The following SLC25A21 variants were observed in gnomAD, a reference collection of about 807,000 sequenced individuals.
SLC25A21 encodes the protein mitochondrial 2-oxodicarboxylate carrier.
A neutral mutation model predicts 43.8 loss-of-function variants in SLC25A21; 47 were observed. The observed-to-expected ratio is 1.07, with a 90% CI of 0.85 to 1.37. The LOEUF (loss-of-function observed/expected upper bound fraction) is 1.37. Among genes scored for constraint, SLC25A21 ranks in the 40% most tolerant of loss-of-function variants. SLC25A21 has a pLI of 0.00. For missense variants in SLC25A21, 352 were observed against 350.2 expected (o/e 1.00, Z -0.04); for synonymous variants, 131 against 121.3 (o/e 1.08, Z -0.52).
At chr14:37,110,650 G>C (rs72669543) in intron 1 of SLC25A21, among the ~76,000 whole-genome samples, 3,759 of 152,198 alleles carry the variant, frequency 0.025, 128 homozygotes, top group Admixed American at 0.093. Context: ...ACTCCACCTA[G>C]ACAACCTCCC....
At chr14:37,019,031 G>C (rs1216219256) in intron 1 of SLC25A21, among the ~76,000 whole-genome samples, 1 of 151,932 alleles carries the variant, frequency 6.6e-6, no homozygotes, top group African/African-American at 2.4e-5. Flanking sequence ...TGGTTTCCCT[G>C]ATATTCTTGC....
chr14:36,940,522 G>C (rs922090192), intron 1 of SLC25A21, among the ~76,000 whole-genome samples: 4 of 152,036 alleles, frequency 2.6e-5, no homozygotes, highest in African/African-American at 9.7e-5. Context: ...GTGTTGCCAG[G>C]ATGTTCAATG....
At chr14:36,824,802 T>TAA (rs11386652) in intron 2 of SLC25A21, among the ~76,000 whole-genome samples, 4,264 of 99,196 alleles carry the variant, frequency 0.043, 233 homozygotes, top group African/African-American at 0.078. Flanking sequence ...TCTGGAATCC[T>TAA]AAAAAAAAAA....
chr14:36,873,655 T>G (rs974943106), intron 2 of SLC25A21, among the ~76,000 whole-genome samples: 1 of 152,174 alleles, frequency 6.6e-6, no homozygotes, highest in Non-Finnish European at 1.5e-5. Context: ...ACTGAATGTT[T>G]GTGACCCTCC....
intron 1 of SLC25A21, among the ~76,000 whole-genome samples, chr14:37,141,977 G>A (rs1963579727): frequency 6.6e-6 from 1 of 152,132 alleles, no homozygotes; most frequent in Non-Finnish European, 1.5e-5. Context: ...TGTGGGTTGC[G>A]ACAGTGGCCT....
At chr14:36,692,555 G>A (rs1814294638) in intron 7 of SLC25A21, among the ~76,000 whole-genome samples, 1 of 152,192 alleles carries the variant, frequency 6.6e-6, no homozygotes, top group Non-Finnish European at 1.5e-5. Context: ...CTGGCCAGCT[G>A]GCTGCTAGCT....
In SLC25A21 at chr14:36,768,317, A is replaced by G. The variant is rs182763350; in HGVS notation, c.204-33744T>C. ...CAGTGTCAAAACGAACAAAGGGAGA[A>G]GCAATTGTGCCACTTTCTATTAGCC... is the stretch of plus-strand genomic sequence containing the variant. On this transcript the variant is annotated intron_variant, in intron 3 of 9. Transcript: ENST00000331299. Among the ~76,000 whole-genome samples the G allele has an allele frequency of 2.6e-5, 4 of 152,368 alleles. No homozygotes were observed. The East Asian group carries it at 5.8e-4, about 22-fold the overall frequency.
At chr14:36,732,740 T>A (rs1884880492) in intron 4 of SLC25A21, among the ~76,000 whole-genome samples, 1 of 152,142 alleles carries the variant, frequency 6.6e-6, no homozygotes, top group Non-Finnish European at 1.5e-5. Flanking sequence ...TAAAATCAGG[T>A]GATTGCTTTC....
intron 1 of SLC25A21, among the ~76,000 whole-genome samples, chr14:36,918,746 GAGCTAT>G (rs1282322245): frequency 6.6e-6 from 1 of 151,884 alleles, no homozygotes; most frequent in Admixed American, 6.6e-5. Context: ...AAAAATGCAG[GAGCTAT>G]AACTTTGTCA....
intron 1 of SLC25A21, among the ~76,000 whole-genome samples, chr14:37,126,952 T>A (rs1336200098): frequency 1.3e-5 from 2 of 152,184 alleles, no homozygotes; most frequent in Admixed American, 1.3e-4. Context: ...GAACTGATCT[T>A]ATTTGAAAGA....
At chr14:36,945,368 A>G (rs1190206042) in intron 1 of SLC25A21, among the ~76,000 whole-genome samples, 2 of 152,178 alleles carry the variant, frequency 1.3e-5, no homozygotes, top group African/African-American at 4.8e-5. Flanking sequence ...CTGGGCATAT[A>G]CCCCAAAGAA....
At chr14:37,146,133 C>T (rs1963660036) in intron 1 of SLC25A21, among the ~76,000 whole-genome samples, 1 of 152,182 alleles carries the variant, frequency 6.6e-6, no homozygotes. Flanking sequence ...AATTAATTCA[C>T]ATTAAAAATT....
intron 3 of SLC25A21, among the ~76,000 whole-genome samples, chr14:36,764,638 G>A (rs1411829432): frequency 2.2e-5 from 3 of 135,040 alleles, no homozygotes; most frequent in South Asian, 2.5e-4. Context: ...AAAAAACCAC[G>A]CATGCCCACA....
At chr14:36,922,907 C>A (rs1056491884) in intron 1 of SLC25A21, among the ~76,000 whole-genome samples, 2 of 152,098 alleles carry the variant, frequency 1.3e-5, no homozygotes, top group African/African-American at 4.8e-5. Context: ...TCCAGACCCT[C>A]AACAAGTAAA....
At chr14:36,784,481 C>A in intron 3 of SLC25A21, among the ~76,000 whole-genome samples, 1 of 152,136 alleles carries the variant, frequency 6.6e-6, no homozygotes, top group South Asian at 2.1e-4. Context: ...TTTTCTAGAG[C>A]TGACCTCACC....
chr14:37,100,780 G>A (rs1962803002), intron 1 of SLC25A21, among the ~76,000 whole-genome samples: 1 of 152,210 alleles, frequency 6.6e-6, no homozygotes, highest in Non-Finnish European at 1.5e-5. Context: ...CAGTCCACCT[G>A]CCTGGGCAAT....
intron 7 of SLC25A21, among the ~76,000 whole-genome samples, chr14:36,686,245 C>A (rs979031632): frequency 2.0e-5 from 3 of 152,078 alleles, no homozygotes; most frequent in Non-Finnish European, 4.4e-5. Flanking sequence ...CATACAGGTG[C>A]CGGGGAGGTT....
chr14:37,081,032 T>A (rs1566866807), intron 1 of SLC25A21, among the ~76,000 whole-genome samples: 1 of 152,152 alleles, frequency 6.6e-6, no homozygotes, highest in Non-Finnish European at 1.5e-5. Context: ...AGGGGGATAG[T>A]CAAGATGCTA....
rs1881995025 is a variant in SLC25A21 at position 36,678,172 on chromosome 14, TCCA to T, written c.*2483_*2485del. 1 of 421,704 alleles carries T rather than the reference TCCA, an allele frequency of 2.4e-6. No homozygotes were observed. The highest frequency in any genetic ancestry group is 2.0e-5 in the African/African-American group (1 of 50,626). 26.1% of individuals were successfully genotyped at this position (421,704 alleles called of 1,614,324 possible). A position where few individuals can be genotyped will look rare whatever the true frequency, so the allele number is the denominator to read the frequency against. On this transcript the variant is annotated 3_prime_UTR_variant, in exon 10 of 10. Transcript: ENST00000331299. The stretch of plus-strand genomic sequence containing the variant: ...TGCACAGTCTACATGGCAATGCGGT[TCCA>T]CCACATCGGTTTCGTGGCTTCGTTT...
Sources: gnomAD v4.1 joint callset for allele counts (sites outside exome capture counted in the v4.1 genomes callset) on GRCh38, gnomAD v4.1.1 for gene constraint, MANE v1.5 for transcripts, NCBI Gene and HGNC (gene_info 2026-07-23, HGNC 2026-07-21) for gene names.